Variants in UTP20 observed in about 807,000 individuals in gnomAD.
The protein encoded by UTP20 is UTP20 small subunit processome component.
A neutral mutation model predicts 329.5 loss-of-function variants in UTP20; 164 were observed. That is an observed-to-expected ratio of 0.50 (90% CI 0.44 to 0.57). UTP20 has a LOEUF of 0.57. Ranked by LOEUF, UTP20 falls within the 20% of genes least tolerant of loss-of-function variation. The pLI is 0.00. For missense variants in UTP20, 3,055 were observed against 3,284.2 expected (o/e 0.93, Z 1.71); for synonymous variants, 1,151 against 1,159.3 (o/e 0.99, Z 0.14).
chr12:101,367,399 C>T (rs1007755878), intron 47 of UTP20, among the ~76,000 whole-genome samples: 31 of 152,158 alleles, frequency 2.0e-4, no homozygotes, highest in Admixed American at 6.5e-5. Context: ...CACGTTCCAG[C>T]CACCCTGGCT....
chr12:101,373,043 A>T (rs892554881), intron 52 of UTP20, 80 bp downstream of exon 52: 2 of 1,169,892 alleles, frequency 1.7e-6, no homozygotes, highest in Admixed American at 3.5e-5. Context: ...CTTAAAAAGG[A>T]TGGGGCCTAA....
intron 43 of UTP20, among the ~76,000 whole-genome samples, chr12:101,359,426 T>A (rs1490865281): frequency 1.3e-5 from 2 of 151,810 alleles, no homozygotes; most frequent in African/African-American, 4.8e-5. Flanking sequence ...GGGACTCCAG[T>A]GAAATGAATG....
Position 101,383,205 on chromosome 12 carries a change from A to G in UTP20, c.7821A>G (p.Glu2607=), listed in dbSNP as rs1184689812. 1 of 1,614,060 alleles carries G rather than the reference A, an allele frequency of 6.2e-7. No individual in the cohort carries two copies. Among genetic ancestry groups the G allele is most frequent in the East Asian group, 2.2e-5 (1 of 44,900 alleles). Residue 2607 remains glutamate, a synonymous_variant, in exon 59 of 62, where the codon GAA becomes GAG. Transcript: ENST00000261637. ...EKAESDGEEK[E]EVKEELGRPA... Reference sequence around the variant, plus strand: ...CGGAGTCTGACGGAGAAGAGAAGGAAGAGGTGAAGGAAGAGCTCGGCAGGC... The same window carrying G: ...CGGAGTCTGACGGAGAAGAGAAGGAGGAGGTGAAGGAAGAGCTCGGCAGGC...
At position 101,340,503 on chromosome 12, in the gene UTP20, T is replaced by C. The variant is rs781775846; in HGVS notation, c.4014-20T>C. The C allele has an allele frequency of 7.4e-6, 11 of 1,491,648 alleles. No individual in the cohort carries two copies. The Admixed American group carries it at 1.7e-4, about 23-fold the overall frequency. 92.4% of individuals were successfully genotyped at this position (1,491,648 alleles called of 1,614,324 possible). On this transcript the variant is annotated intron_variant, in intron 31 of 61. Coordinates refer to ENST00000261637, the MANE Select transcript of UTP20 (RefSeq NM_014503.3). ...TATCCTTGTATATGTTCCTTATATA[T>C]CCGTTTTTTCCTTCTTTAGGATCAG...
intron 18 of UTP20, among the ~76,000 whole-genome samples, chr12:101,309,119 G>C (rs1000665876): frequency 6.6e-6 from 1 of 152,232 alleles, no homozygotes; most frequent in South Asian, 2.1e-4. Flanking sequence ...GCCAAAAGGA[G>C]GCATTCTCCC....
At chr12:101,353,953 T>C (rs1233095836) in intron 40 of UTP20, among the ~76,000 whole-genome samples, 3 of 151,838 alleles carry the variant, frequency 2.0e-5, no homozygotes, top group Non-Finnish European at 4.4e-5. Context: ...TTTCTAACCA[T>C]TAAAGGAATT....
rs767344556 is a variant in UTP20, at chr12:101,306,104, TCTC to T, written c.1932+42_1932+44del. On this transcript the variant is annotated intron_variant, in intron 16 of 61. Transcript: ENST00000261637. ...GTGGTAGTGTGTCCTCAGTCTCTCT[TCTC>T]CTGTTTCTATATGGACTGCAGTGGT... 35 of 1,568,550 alleles carry T rather than the reference TCTC, an allele frequency of 2.2e-5. No individual in the cohort carries two copies. The South Asian group carries it at 2.9e-4, about 13-fold the overall frequency.
chr12:101,308,806 C>A (rs560015644), intron 18 of UTP20, among the ~76,000 whole-genome samples: 2 of 151,322 alleles, frequency 1.3e-5, no homozygotes, highest in East Asian at 3.9e-4. Flanking sequence ...AATCTCTGCT[C>A]ACTGCAAGCT....
intron 28 of UTP20, among the ~76,000 whole-genome samples, chr12:101,334,186 C>T (rs930228832): frequency 2.0e-5 from 3 of 152,144 alleles, no homozygotes; most frequent in African/African-American, 7.2e-5. Flanking sequence ...CACTCTGAAA[C>T]CTAAAATACC....
At chr12:101,314,045 C>T (rs767530614) in intron 21 of UTP20, among the ~76,000 whole-genome samples, 5 of 151,966 alleles carry the variant, frequency 3.3e-5, no homozygotes, top group Admixed American at 6.6e-5. Context: ...TGATCAGATA[C>T]GGAATAAAGT....
At chr12:101,296,617 G>A (rs190395234) in intron 12 of UTP20, among the ~76,000 whole-genome samples, 399 of 151,080 alleles carry the variant, frequency 2.6e-3, no homozygotes, top group Admixed American at 5.5e-3. Flanking sequence ...GTGTGGTAGC[G>A]GGCGCCTGTA....
chr12:101,365,660 C>G, intron 46 of UTP20, 35 bp downstream of exon 46: 1 of 1,505,812 alleles, frequency 6.6e-7, no homozygotes, highest in South Asian at 1.4e-5. Context: ...TCATTTAGGT[C>G]TCTGCGTCTG....
At chr12:101,377,881 C>G (rs568011001) in intron 56 of UTP20, among the ~76,000 whole-genome samples, 1 of 152,270 alleles carries the variant, frequency 6.6e-6, no homozygotes, top group Non-Finnish European at 1.5e-5. Context: ...TCTGTGCTGC[C>G]TCCTAAGAAC....
In UTP20 at chr12:101,351,377, G is replaced by C. The variant is rs555277972; in HGVS notation, c.4885-678G>C. 2.6e-5 allele frequency among the ~76,000 whole-genome samples: 4 copies of C among 152,084 alleles called. No individual in the cohort carries two copies. The East Asian group carries it at 7.7e-4, about 29-fold the overall frequency. On this transcript the variant is annotated intron_variant, in intron 38 of 61. Coordinates refer to ENST00000261637, the MANE Select transcript of UTP20 (RefSeq NM_014503.3). ...CCTGACCTTGTGATCCACCAGCCTC[G>C]GCCTCCCAAAGTGCTGGGATTACAG... is the stretch of plus-strand genomic sequence containing the variant.
chr12:101,377,719 C>G (rs1386160712), intron 56 of UTP20, among the ~76,000 whole-genome samples: 1 of 152,090 alleles, frequency 6.6e-6, no homozygotes, highest in African/African-American at 2.4e-5. Context: ...GTGGTGGTCA[C>G]TGGAGAGGGG....
chr12:101,305,801 GC>G, intron 15 of UTP20, 113 bp from the exon 16 acceptor site: 1 of 1,248,368 alleles, frequency 8.0e-7, no homozygotes, highest in Non-Finnish European at 1.1e-6. Flanking sequence ...TGAGACTTTT[GC>G]CTGTTACCTT....
At chr12:101,330,023 A>C (rs1443786947) in intron 27 of UTP20, among the ~76,000 whole-genome samples, 1 of 151,954 alleles carries the variant, frequency 6.6e-6, no homozygotes, top group Non-Finnish European at 1.5e-5. Flanking sequence ...AGAAAAAAAA[A>C]GGGACATTAA....
intron 5 of UTP20, among the ~76,000 whole-genome samples, chr12:101,287,513 A>G (rs1871998818): frequency 6.6e-6 from 1 of 152,200 alleles, no homozygotes; most frequent in Admixed American, 6.5e-5. Flanking sequence ...TTTCACTTGT[A>G]TTACTGAAAC....
chr12:101,324,538 A>ATG (rs2137263118), intron 25 of UTP20, among the ~76,000 whole-genome samples: 1 of 152,248 alleles, frequency 6.6e-6, no homozygotes, highest in South Asian at 2.1e-4. Context: ...CCAAAGTGCT[A>ATG]TGATTACACA....
Sources: allele counts gnomAD v4.1 joint callset (sites outside exome capture counted in the v4.1 genomes callset), GRCh38; gene constraint gnomAD v4.1.1; transcripts MANE v1.5; gene names NCBI Gene and HGNC (gene_info 2026-07-23, HGNC 2026-07-21).